The following CTPS2 variants were observed in gnomAD, a reference collection of about 807,000 sequenced individuals.
CTPS2 encodes the protein CTP synthase 2, also known as CTP synthase II.
CTPS2 carries 19 observed loss-of-function variants against 46.8 expected under a neutral mutation model. That is an observed-to-expected ratio of 0.41 (90% CI 0.28 to 0.60). CTPS2 has a LOEUF of 0.60. Ranked by LOEUF, CTPS2 falls within the 20% of genes least tolerant of loss-of-function variation. The pLI is 0.35. For missense variants in CTPS2, 286 were observed against 447.6 expected (o/e 0.64, Z 3.26); for synonymous variants, 151 against 165.2 (o/e 0.91, Z 0.66).
At chrX:16,609,100 A>T (rs186817578) in intron 17 of CTPS2, among the ~76,000 whole-genome samples, 146 of 111,801 alleles carry the variant, frequency 1.3e-3, no homozygotes, top group African/African-American at 4.2e-3. Context: ...AGGAAAGCAA[A>T]ATCACTTTGA....
intron 13 of CTPS2, among the ~76,000 whole-genome samples, chrX:16,647,255 C>CCTT (rs1932365402): frequency 2.5e-5 from 1 of 39,767 alleles, no homozygotes; most frequent in South Asian, 1.3e-3. Flanking sequence ...TGGGCCCATT[C>CCTT]TTTTTTTTTT....
intron 14 of CTPS2, among the ~76,000 whole-genome samples, chrX:16,638,115 C>A (rs1360469996): frequency 2.7e-5 from 3 of 109,893 alleles, no homozygotes; most frequent in Non-Finnish European, 5.7e-5. Flanking sequence ...ATTAGCCGGG[C>A]GCGGTGGTAG....
rs1924356798 is a variant in CTPS2, at chrX:16,699,048, A to T, written c.212T>A (p.Leu71His). 8.4e-7 allele frequency: 1 copy of T among 1,185,873 alleles called. No homozygotes were observed. The highest frequency in any genetic ancestry group is 1.1e-6 in the Non-Finnish European group (1 of 883,876). ...LNDGGEVDLD[L>H]GNYERFLDIN... ...ATCCAAAAATCTTTCATAATTTCCA[A>T]GGTCTAAATCAACTTCTCCACCATC... is the stretch of plus-strand genomic sequence containing the variant. The change falls in exon 3 of 19, where the codon CTT becomes CAT. Residue 71 changes from leucine to histidine, a missense_variant. By Grantham distance (99) the Leu-to-His change is moderately conservative. Transcript: ENST00000359276.
intron 9 of CTPS2, 83 bp downstream of exon 9, chrX:16,683,011 C>T: frequency 3.7e-6 from 4 of 1,074,962 alleles, no homozygotes; most frequent in South Asian, 1.9e-5. Flanking sequence ...ATCTCAGGGA[C>T]CCTTTAACAA....
chrX:16,686,869 A>C (rs1351269161), intron 8 of CTPS2, among the ~76,000 whole-genome samples: 2 of 109,112 alleles, frequency 1.8e-5, no homozygotes, highest in Non-Finnish European at 3.8e-5. Context: ...GCACCACTGC[A>C]CTCCAGCCTG....
intron 13 of CTPS2, among the ~76,000 whole-genome samples, chrX:16,650,606 G>A (rs369820804): frequency 1.0e-5 from 1 of 99,681 alleles, no homozygotes; most frequent in African/African-American, 3.8e-5. Flanking sequence ...TCCGCCTCCC[G>A]GGTTCAAGCG....
chrX:16,705,377 C>A (rs888507784), intron 1 of CTPS2, among the ~76,000 whole-genome samples: 1 of 111,923 alleles, frequency 8.9e-6, no homozygotes, highest in African/African-American at 3.2e-5. Context: ...CTGATAAGAC[C>A]ACCAACCATG....
In CTPS2 at chrX:16,667,677, A is replaced by C; in HGVS notation, c.1237T>G (p.Cys413Gly). The change falls in exon 12 of 19, where the codon TGC (cysteine) becomes GGC (glycine). Residue 413 changes from cysteine (C) to glycine (G), a missense_variant. Cys to Gly is a radical substitution (Grantham distance 159). Transcript: ENST00000359276. ...QLAVIEFARN[C>G]LNLKDADSTE... ...TCGAACTTACCTTTCAAGTTAAGGC[A>C]GTTTCTTGCAAACTCTATCACTGCT... is the stretch of plus-strand genomic sequence containing the variant. 1.7e-6 allele frequency: 2 copies of C among 1,211,393 alleles called. No individual in the cohort carries two copies. Among genetic ancestry groups the C allele is most frequent in the Non-Finnish European group, 2.2e-6 (2 of 895,153 alleles).
At chrX:16,617,063 T>C in intron 16 of CTPS2, 87 bp downstream of exon 16, 1 of 627,155 alleles carries the variant, frequency 1.6e-6, no homozygotes, top group Non-Finnish European at 2.5e-6. Flanking sequence ...AAAGAAAGAA[T>C]GCAAAAAAAA....
intron 11 of CTPS2, among the ~76,000 whole-genome samples, chrX:16,669,779 C>T (rs954374117): frequency 9.1e-6 from 1 of 110,431 alleles, no homozygotes; most frequent in African/African-American, 3.3e-5. Flanking sequence ...ACCCAGCCAT[C>T]CACTGCACAG....
intron 14 of CTPS2, among the ~76,000 whole-genome samples, chrX:16,637,982 G>A (rs1361634993): frequency 3.6e-5 from 4 of 111,825 alleles, no homozygotes; most frequent in African/African-American, 9.7e-5. Flanking sequence ...CTTGCCGGGC[G>A]TGGTGACTCA....
intron 10 of CTPS2, among the ~76,000 whole-genome samples, chrX:16,674,649 T>A (rs763012229): frequency 9.7e-6 from 1 of 102,749 alleles, no homozygotes; most frequent in Non-Finnish European, 2.0e-5. Context: ...CCATCCTGGC[T>A]AACACGGTGA....
At chrX:16,625,341 A>G (rs1931072405) in intron 14 of CTPS2, among the ~76,000 whole-genome samples, 1 of 112,420 alleles carries the variant, frequency 8.9e-6, no homozygotes. Context: ...ATAAAACGAG[A>G]GAGTTCCCTG....
chrX:16,655,033 AC>A (rs1932784718), intron 13 of CTPS2, among the ~76,000 whole-genome samples: 1 of 112,126 alleles, frequency 8.9e-6, no homozygotes, highest in South Asian at 3.7e-4. Context: ...CCACTTTTCC[AC>A]CAGAATCACC....
At chrX:16,625,677 G>A (rs966119054) in intron 14 of CTPS2, among the ~76,000 whole-genome samples, 5 of 110,774 alleles carry the variant, frequency 4.5e-5, no homozygotes, top group Admixed American at 9.7e-5. Context: ...TGGTGAATGC[G>A]GGGATTTTAT....
At chrX:16,662,971 A>T (rs68004803) in intron 13 of CTPS2, among the ~76,000 whole-genome samples, 19,778 of 110,898 alleles carry the variant, frequency 0.18, 1,569 homozygotes, top group African/African-American at 0.31. Flanking sequence ...TGCAGCATAA[A>T]TTAAAGCAGC....
At chrX:16,623,834 AGTCTCACTCC>A (rs1191730684) in intron 14 of CTPS2, among the ~76,000 whole-genome samples, 42 of 67,528 alleles carry the variant, frequency 6.2e-4, no homozygotes, top group African/African-American at 2.5e-3. Context: ...TCTGAGACGG[AGTCTCACTCC>A]GTCGCCAGGC....
At chrX:16,678,717 G>T (rs139413251) in intron 9 of CTPS2, among the ~76,000 whole-genome samples, 2,056 of 110,303 alleles carry the variant, frequency 0.019, 23 homozygotes, top group Admixed American at 0.029. Flanking sequence ...GTAACTTGGG[G>T]TCAACCGCGT....
chrX:16,602,946 G>C (rs1929748652), intron 17 of CTPS2, among the ~76,000 whole-genome samples: 1 of 111,453 alleles, frequency 9.0e-6, no homozygotes, highest in African/African-American at 3.3e-5. Context: ...AGGCCAGTGG[G>C]TGCCCTTTCA....
Sources: allele counts gnomAD v4.1 joint callset (sites outside exome capture counted in the v4.1 genomes callset), GRCh38; gene constraint gnomAD v4.1.1; transcripts MANE v1.5; gene names NCBI Gene and HGNC (gene_info 2026-07-23, HGNC 2026-07-21).